The following MDN1 variants were observed in gnomAD, a reference collection of about 807,000 sequenced individuals.
The protein encoded by MDN1 is midasin.
A neutral mutation model predicts 669.2 loss-of-function variants in MDN1; 266 were observed. That is an observed-to-expected ratio of 0.40 (90% confidence interval 0.36 to 0.44). The LOEUF is 0.44. Among genes scored for constraint, MDN1 ranks in the 20% least tolerant of loss-of-function variants. The probability of loss-of-function intolerance (pLI) is 1.00; values close to 1 mark genes in which losing one functional copy is unlikely to be tolerated. For missense variants in MDN1, 5,940 were observed against 6,754.0 expected, an observed-to-expected ratio of 0.88 and a Z score of 4.22; for synonymous variants, 2,385 against 2,457.1, an observed-to-expected ratio of 0.97 and a Z score of 0.87.
chr6:89,704,466 T>C (rs900616164), intron 53 of MDN1, among the ~76,000 whole-genome samples: 2 of 152,208 alleles, frequency 1.3e-5, no homozygotes, highest in African/African-American at 4.8e-5. Context: ...AAGTGTGACT[T>C]TTTACTTATT....
At chr6:89,807,619 A>G (rs938036795) in intron 1 of MDN1, among the ~76,000 whole-genome samples, 2 of 152,114 alleles carry the variant, frequency 1.3e-5, no homozygotes, top group African/African-American at 4.8e-5. Flanking sequence ...ATTATTTTTC[A>G]CCAACTTTAG....
chr6:89,746,519 G>A (rs772548607), intron 27 of MDN1, among the ~76,000 whole-genome samples: 12 of 149,086 alleles, frequency 8.0e-5, no homozygotes, highest in Non-Finnish European at 1.5e-4. Context: ...ACCCAGACCC[G>A]GGAGGCAGAG....
intron 1 of MDN1, among the ~76,000 whole-genome samples, chr6:89,809,692 C>T (rs1768252639): frequency 6.6e-6 from 1 of 151,534 alleles, no homozygotes; most frequent in African/African-American, 2.4e-5. Context: ...AGGAGAATCG[C>T]TTGAACCCAG....
chr6:89,753,406 A>T, intron 22 of MDN1, 106 bp downstream of exon 22: 1 of 831,428 alleles, frequency 1.2e-6, no homozygotes, highest in Non-Finnish European at 1.9e-6. Flanking sequence ...GCAACAGATT[A>T]CCTTTATAAT....
At position 89,720,901 on chromosome 6, in the gene MDN1, G is replaced by A. The variant is rs1814773127; in HGVS notation, c.5968-1676C>T. Among the ~76,000 whole-genome samples the A allele has an allele frequency of 3.3e-5, 5 of 152,152 alleles. No individual in the cohort carries two copies. The South Asian group carries it at 1.0e-3, about 31-fold the overall frequency. On this transcript the variant is annotated intron_variant, in intron 40 of 101. Coordinates refer to ENST00000369393, the MANE Select transcript of MDN1 (RefSeq NM_014611.3). ...TGTAATCACAGCACTTTGGGAGACT[G>A]AGGCAGGAAGATTGCTTGAGCCCAG...
chr6:89,723,707 C>T (rs1814997909), intron 38 of MDN1, 88 bp from the exon 39 acceptor site: 1 of 634,568 alleles, frequency 1.6e-6, no homozygotes, highest in African/African-American at 1.9e-5. Context: ...TATGCAAAAT[C>T]TTTAATACCA....
intron 96 of MDN1, 34 bp from the exon 97 acceptor site, chr6:89,650,232 C>T (rs1808757381): frequency 1.9e-6 from 3 of 1,589,412 alleles, no homozygotes; most frequent in South Asian, 2.3e-5. Flanking sequence ...AATTAGTTAA[C>T]AACTTTTAAT....
At chr6:89,652,020 A>G (rs1384818224) in intron 95 of MDN1, among the ~76,000 whole-genome samples, 172 bp downstream of exon 95, 1 of 152,260 alleles carries the variant, frequency 6.6e-6, no homozygotes, top group Admixed American at 6.5e-5. Context: ...ACAGCAAAGC[A>G]GCCAGAAACT....
chr6:89,792,103 C>T (rs973148886), intron 5 of MDN1, among the ~76,000 whole-genome samples: 4 of 151,854 alleles, frequency 2.6e-5, no homozygotes, highest in Non-Finnish European at 4.4e-5. Context: ...CTCCTGACCT[C>T]GTGATCTGCC....
intron 99 of MDN1, among the ~76,000 whole-genome samples, chr6:89,646,880 C>T (rs979107748): frequency 3.3e-5 from 5 of 152,168 alleles, no homozygotes; most frequent in Admixed American, 6.5e-5. Context: ...ACTGCAGCCT[C>T]GATTCCTGGG....
At chr6:89,656,989 G>A (rs1359655477) in intron 90 of MDN1, among the ~76,000 whole-genome samples, 188 bp from the exon 91 acceptor site, 2 of 152,198 alleles carry the variant, frequency 1.3e-5, no homozygotes, top group Non-Finnish European at 2.9e-5. Context: ...AAACAGGAGT[G>A]TCTAGGTACA....
chr6:89,786,444 A>AT (rs1451236255), intron 8 of MDN1, among the ~76,000 whole-genome samples: 59 of 151,346 alleles, frequency 3.9e-4, no homozygotes, highest in Non-Finnish European at 2.7e-4. Flanking sequence ...AATAATAATA[A>AT]AAAAAATTTG....
intron 2 of MDN1, among the ~76,000 whole-genome samples, chr6:89,796,273 A>C (rs970367303): frequency 7.0e-6 from 1 of 143,534 alleles, no homozygotes; most frequent in Non-Finnish European, 1.5e-5. Flanking sequence ...ATAGTGAGCC[A>C]AGATCGCGCC....
At chr6:89,796,350 A>AAC (rs1819610350) in intron 2 of MDN1, among the ~76,000 whole-genome samples, 4 of 145,044 alleles carry the variant, frequency 2.8e-5, no homozygotes, top group Admixed American at 1.4e-4. Context: ...AAAAAAAAAA[A>AAC]CAAAAAAAAA....
intron 8 of MDN1, among the ~76,000 whole-genome samples, 187 bp downstream of exon 8, chr6:89,787,667 G>A (rs960240463): frequency 4.6e-5 from 7 of 151,156 alleles, no homozygotes; most frequent in South Asian, 4.2e-4. Flanking sequence ...TCGGGGGGGG[G>A]ACCTCTTATT....
At chr6:89,773,539 CAAA>C (rs531119611) in intron 13 of MDN1, among the ~76,000 whole-genome samples, 4 of 78,424 alleles carry the variant, frequency 5.1e-5, no homozygotes, top group Non-Finnish European at 8.5e-5. Context: ...GACTCCATCT[CAAA>C]AAAAAAAAAA....
chr6:89,688,299 AAAAC>A (rs1812157229), intron 66 of MDN1, 126 bp from the exon 67 acceptor site: 4 of 878,130 alleles, frequency 4.6e-6, no homozygotes, highest in Non-Finnish European at 7.1e-6. Flanking sequence ...TCTGAAAAAA[AAAAC>A]AGAGCAACAT....
At chr6:89,790,978 G>A (rs1819240575) in intron 5 of MDN1, among the ~76,000 whole-genome samples, 2 of 151,764 alleles carry the variant, frequency 1.3e-5, no homozygotes, top group Admixed American at 6.6e-5. Context: ...GGCCAAGATC[G>A]TGCCACTGCA....
rs1289665240 is a variant in MDN1 at position 89,654,345 on chromosome 6, A to C, written c.15491-11T>G. 1 of 1,614,042 alleles carries C rather than the reference A, an allele frequency of 6.2e-7. No homozygotes were observed. Among genetic ancestry groups the C allele is most frequent in the Admixed American group, 1.7e-5 (1 of 60,002 alleles). On this transcript the variant is annotated splice_polypyrimidine_tract_variant and intron_variant, in intron 92 of 101. Transcript: ENST00000369393. The stretch of plus-strand genomic sequence containing the variant: ...CTTTGCTGGCCACATCTGTCAACAA[A>C]GCACGCACCCACACATAAAAATCCT...
Sources: allele counts gnomAD v4.1 joint callset (sites outside exome capture counted in the v4.1 genomes callset), GRCh38; gene constraint gnomAD v4.1.1; transcripts MANE v1.5; gene names NCBI Gene and HGNC (gene_info 2026-07-23, HGNC 2026-07-21).